The following DNAAF4 variants were observed in gnomAD, a reference collection of about 807,000 sequenced individuals.
DNAAF4 encodes the protein dynein axonemal assembly factor 4.
DNAAF4 carries 43 observed loss-of-function variants against 51.8 expected under a neutral mutation model. That is an observed-to-expected ratio of 0.83 (90% confidence interval 0.65 to 1.07). DNAAF4 has a LOEUF of 1.07. Ranked by LOEUF, DNAAF4 falls within the 50% of genes least tolerant of loss-of-function variation. The pLI, the probability that DNAAF4 is intolerant of heterozygous loss-of-function variation, is 0.00. For missense variants in DNAAF4, 581 were observed against 493.0 expected, an observed-to-expected ratio of 1.18 and a Z score of -1.69; for synonymous variants, 194 against 165.6, an observed-to-expected ratio of 1.17 and a Z score of -1.32.
intron 5 of DNAAF4, among the ~76,000 whole-genome samples, chr15:55,450,752 A>C (rs554295467): frequency 6.6e-6 from 1 of 152,246 alleles, no homozygotes; most frequent in African/African-American, 2.4e-5. Flanking sequence ...TTTATCTCCT[A>C]TATGCTTTCT....
downstream of DNAAF4, among the ~76,000 whole-genome samples, chr15:55,427,020 T>C (rs2057436275): frequency 6.6e-6 from 1 of 152,156 alleles, no homozygotes; most frequent in Non-Finnish European, 1.5e-5. Flanking sequence ...GAAAGAGTAA[T>C]TCACACAGAA....
chr15:55,432,435 T>C (rs969517935), intron 9 of DNAAF4, 62 bp downstream of exon 9: 3 of 1,361,234 alleles, frequency 2.2e-6, no homozygotes, highest in Non-Finnish European at 3.1e-6. Flanking sequence ...TCTTAAATAA[T>C]TCCAATGACA....
At chr15:55,499,444 C>G (rs916818895) in intron 1 of DNAAF4, among the ~76,000 whole-genome samples, 1 of 152,194 alleles carries the variant, frequency 6.6e-6, no homozygotes, top group African/African-American at 2.4e-5. Context: ...CAAACCCTCC[C>G]TTTGTTCTCT....
intron 4 of DNAAF4, among the ~76,000 whole-genome samples, chr15:55,470,746 TG>T (rs1423588800): frequency 2.0e-5 from 3 of 151,874 alleles, no homozygotes; most frequent in East Asian, 1.9e-4. Flanking sequence ...GGTTTTCCCT[TG>T]CTGCCCAGGC....
chr15:55,502,829 C>A (rs28837682), intron 1 of DNAAF4, among the ~76,000 whole-genome samples: 1 of 152,040 alleles, frequency 6.6e-6, no homozygotes, highest in Non-Finnish European at 1.5e-5. Context: ...CAGGAAAGAT[C>A]TAAAATCGAC....
At chr15:55,482,953 C>T (rs1241936223) in intron 4 of DNAAF4, among the ~76,000 whole-genome samples, 2 of 152,128 alleles carry the variant, frequency 1.3e-5, no homozygotes, top group Non-Finnish European at 2.9e-5. Flanking sequence ...ATGGGCATCA[C>T]ATCCAAAGAC....
chr15:55,429,674 A>G (rs542021669), downstream of DNAAF4, among the ~76,000 whole-genome samples: 40 of 152,058 alleles, frequency 2.6e-4, no homozygotes, highest in Non-Finnish European at 5.4e-4. Flanking sequence ...AAAATTAGTC[A>G]GGCGTGGTGG....
At chr15:55,483,958 T>C (rs780406410) in intron 4 of DNAAF4, among the ~76,000 whole-genome samples, 40 of 144,274 alleles carry the variant, frequency 2.8e-4, no homozygotes, top group Non-Finnish European at 4.9e-4. Context: ...CTCAAAGATT[T>C]AGGAAAAAAG....
At chr15:55,451,949 A>G (rs1178932187) in intron 5 of DNAAF4, among the ~76,000 whole-genome samples, 1 of 152,048 alleles carries the variant, frequency 6.6e-6, no homozygotes, top group Non-Finnish European at 1.5e-5. Context: ...ATAGTAATAC[A>G]AAAGAAGGAA....
At chr15:55,446,895 C>G (rs1384975908) in intron 6 of DNAAF4, among the ~76,000 whole-genome samples, 1 of 143,950 alleles carries the variant, frequency 6.9e-6, no homozygotes, top group Non-Finnish European at 1.5e-5. Context: ...CAGAGGTGCT[C>G]CCCACTTCCC....
intron 6 of DNAAF4, among the ~76,000 whole-genome samples, chr15:55,447,430 G>A (rs142971785): frequency 6.6e-6 from 1 of 151,916 alleles, no homozygotes; most frequent in African/African-American, 2.4e-5. Flanking sequence ...CAGGCGGCTG[G>A]GAGGTGGAGG....
chr15:55,500,324 G>A (rs1273836997), intron 1 of DNAAF4, among the ~76,000 whole-genome samples: 1 of 152,010 alleles, frequency 6.6e-6, no homozygotes, highest in South Asian at 2.1e-4. Flanking sequence ...GCTTTCCCTT[G>A]TCCCTTTAAG....
intron 1 of DNAAF4, among the ~76,000 whole-genome samples, chr15:55,502,013 A>T (rs1028556663): frequency 3.9e-5 from 6 of 151,960 alleles, no homozygotes; most frequent in African/African-American, 1.4e-4. Flanking sequence ...ACTGCACTCC[A>T]GCCTAGGCAA....
chr15:55,462,771 G>T (rs2058111701), intron 5 of DNAAF4, among the ~76,000 whole-genome samples: 1 of 152,144 alleles, frequency 6.6e-6, no homozygotes, highest in South Asian at 2.1e-4. Context: ...TCATACCAGG[G>T]ATGCAGGGCT....
At position 55,498,400 on chromosome 15, in the gene DNAAF4, G is replaced by T. The variant is rs892405990; in HGVS notation, c.-71C>A. 1.9e-6 allele frequency: 3 copies of T among 1,557,264 alleles called. No homozygotes were observed. The highest frequency in any genetic ancestry group is 1.9e-5 in the Admixed American group (1 of 52,100). On this transcript the variant is annotated 5_prime_UTR_variant, in exon 2 of 10. Coordinates refer to ENST00000321149, the MANE Select transcript of DNAAF4 (RefSeq NM_130810.4). ...CCTGCTTGGTTGCTAGGGAAGCTGG[G>T]GTTACCATGCGCCAGCCCTTCCGGG... is the stretch of plus-strand genomic sequence containing the variant.
intron 4 of DNAAF4, among the ~76,000 whole-genome samples, chr15:55,475,939 A>C (rs561582313): frequency 3.9e-5 from 6 of 152,288 alleles, no homozygotes; most frequent in African/African-American, 1.4e-4. Context: ...TAAATGAGAG[A>C]GCTACGGATG....
intron 7 of DNAAF4, among the ~76,000 whole-genome samples, chr15:55,436,649 T>C (rs1274615471): frequency 6.6e-6 from 1 of 152,086 alleles, no homozygotes; most frequent in East Asian, 1.9e-4. Flanking sequence ...CCTCCCAGAG[T>C]GCTGGGATTA....
At chr15:55,424,884 T>TG (rs1248801942) in intron 7 of DNAAF4, among the ~76,000 whole-genome samples, 1 of 147,726 alleles carries the variant, frequency 6.8e-6, no homozygotes, top group Non-Finnish European at 1.5e-5. Context: ...TTTTTGGAGA[T>TG]GGAGTTTTGC....
chr15:55,453,031 T>C (rs1260494592), intron 5 of DNAAF4, among the ~76,000 whole-genome samples: 1 of 152,196 alleles, frequency 6.6e-6, no homozygotes, highest in Non-Finnish European at 1.5e-5. Flanking sequence ...TTCATCATGT[T>C]GGCCAGGCTG....
Sources: allele counts gnomAD v4.1 joint callset (sites outside exome capture counted in the v4.1 genomes callset), GRCh38; gene constraint gnomAD v4.1.1; transcripts MANE v1.5; gene names NCBI Gene and HGNC (gene_info 2026-07-23, HGNC 2026-07-21).